Variants in DNAJC7 observed in about 807,000 individuals in gnomAD.
DNAJC7 encodes the protein DnaJ heat shock protein family (Hsp40) member C7.
A neutral mutation model predicts 67.4 loss-of-function variants in DNAJC7; 18 were observed. The observed-to-expected ratio is 0.27, with a 90% CI of 0.18 to 0.40. DNAJC7 has a LOEUF of 0.40. DNAJC7 is among the 10% of genes least tolerant of loss of function. The pLI is 1.00. For missense variants in DNAJC7, 419 were observed against 613.8 expected (o/e 0.68, Z 3.35); for synonymous variants, 220 against 207.8 (o/e 1.06, Z -0.50).
chr17:41,977,507 C>G, intron 12 of DNAJC7, 184 bp from the exon 13 acceptor site: 1 of 539,134 alleles, frequency 1.9e-6, no homozygotes, highest in Non-Finnish European at 3.3e-6. Flanking sequence ...AACATGCTAC[C>G]TGATCCCACT....
chr17:41,999,383 A>C (rs1043641475), intron 2 of DNAJC7, among the ~76,000 whole-genome samples: 1 of 152,178 alleles, frequency 6.6e-6, no homozygotes, highest in Non-Finnish European at 1.5e-5. Context: ...CGGCCTCCCA[A>C]AATGCTGGGA....
Position 41,983,234 on chromosome 17 carries a change from C to T in DNAJC7, c.1084+329G>A, listed in dbSNP as rs141053005. On this transcript the variant is annotated intron_variant, in intron 10 of 13. Transcript: ENST00000457167. ...CCGCCTCCTGGGTTCAAGGAATTCT[C>T]GTGCCCCAGCCTCCTGAGTGGCTGG... is the stretch of plus-strand genomic sequence containing the variant. Among the ~76,000 whole-genome samples the T allele has an allele frequency of 4.4e-3, 671 of 152,216 alleles. 5 individuals carry two copies. Among genetic ancestry groups the T allele is most frequent in the African/African-American group, 0.015 (612 of 41,538 alleles).
At chr17:42,017,306 G>A in intron 1 of DNAJC7, 34 bp downstream of exon 1, 1 of 1,610,280 alleles carries the variant, frequency 6.2e-7, no homozygotes, top group South Asian at 1.1e-5. Context: ...CGGAGCTGCA[G>A]GTCGCCTCCT....
chr17:41,983,522 G>A, intron 10 of DNAJC7, 41 bp downstream of exon 10: 1 of 1,527,044 alleles, frequency 6.5e-7, no homozygotes, highest in Non-Finnish European at 8.9e-7. Flanking sequence ...GGCCTACGAA[G>A]TCCACACAGT....
At chr17:41,977,534 T>C in intron 12 of DNAJC7, 1 of 441,068 alleles carries the variant, frequency 2.3e-6, no homozygotes, top group South Asian at 3.7e-5. Context: ...ACATGTTCCC[T>C]TCTCCTTCCA....
chr17:41,991,828 C>T (rs782710417), intron 5 of DNAJC7, among the ~76,000 whole-genome samples: 3 of 152,148 alleles, frequency 2.0e-5, no homozygotes, highest in East Asian at 1.9e-4. Context: ...TGCAGGCACA[C>T]GTCACCACAC....
At chr17:42,011,914 T>A (rs1399865024) in intron 1 of DNAJC7, 1 of 152,072 alleles carries the variant, frequency 6.6e-6, no homozygotes, top group Non-Finnish European at 1.5e-5. Context: ...GGGACATGAA[T>A]TGAGAGTTCA....
chr17:41,976,793 G>C (rs781956517), intron 13 of DNAJC7, 23 bp from the exon 14 acceptor site: 15 of 1,604,366 alleles, frequency 9.3e-6, no homozygotes, highest in Admixed American at 5.4e-5. Flanking sequence ...AGAGGGGTTG[G>C]TAGTTGGCTA....
rs1167661737 is a variant in DNAJC7, at chr17:41,976,552, G to C, written c.*181C>G. 3.1e-6 allele frequency: 2 copies of C among 647,064 alleles called. No homozygotes were observed. The highest frequency in any genetic ancestry group is 4.9e-6 in the Non-Finnish European group (2 of 404,918). 40.1% of individuals were successfully genotyped at this position (647,064 alleles called of 1,614,324 possible). On this transcript the variant is annotated 3_prime_UTR_variant, in exon 14 of 14. Transcript: ENST00000457167. ...ACCCCCGCCTCCCTCCCCTGCCCTCGGTCTTCGGCATTGGTTCCCTTTGCT... is the reference window on the plus strand; with the variant it reads ...ACCCCCGCCTCCCTCCCCTGCCCTCCGTCTTCGGCATTGGTTCCCTTTGCT...
chr17:41,980,750 C>T (rs1262273800), intron 12 of DNAJC7, among the ~76,000 whole-genome samples: 3 of 152,116 alleles, frequency 2.0e-5, no homozygotes, highest in African/African-American at 7.2e-5. Context: ...ACAATATTGA[C>T]AATAGGTGTG....
At chr17:41,996,634 C>T (rs1025628752) in intron 3 of DNAJC7, among the ~76,000 whole-genome samples, 3 of 152,082 alleles carry the variant, frequency 2.0e-5, no homozygotes, top group Non-Finnish European at 2.9e-5. Flanking sequence ...GACAAAACTC[C>T]GTCTCTTACT....
intron 2 of DNAJC7, among the ~76,000 whole-genome samples, chr17:41,997,473 T>C (rs2051692812): frequency 6.6e-6 from 1 of 150,882 alleles, no homozygotes; most frequent in Admixed American, 6.6e-5. Context: ...GGTGGGCCCC[T>C]GTAATTCCAG....
chr17:41,997,588 C>A (rs782615877), intron 2 of DNAJC7, among the ~76,000 whole-genome samples: 5 of 152,046 alleles, frequency 3.3e-5, no homozygotes, highest in African/African-American at 4.8e-5. Context: ...CAGAGGAAGA[C>A]CCTGTCTCAA....
Position 41,976,569 on chromosome 17 carries a change from C to T in DNAJC7, c.*164G>A, listed in dbSNP as rs556413850. 418 of 771,852 alleles carry T rather than the reference C, an allele frequency of 5.4e-4. 1 individual carries two copies. The highest frequency in any genetic ancestry group is 2.6e-3 in the Middle Eastern group (11 of 4,212). The allele number at this position is 771,852 out of a possible 1,614,324, so 47.8% of individuals were successfully genotyped here. A position where few individuals can be genotyped will look rare whatever the true frequency, so the allele number is the denominator to read the frequency against. ...CTGCCCTCGGTCTTCGGCATTGGTTCCCTTTGCTCCACCCCACTCACAGAG... is the reference window on the plus strand; with the variant it reads ...CTGCCCTCGGTCTTCGGCATTGGTTTCCTTTGCTCCACCCCACTCACAGAG... On this transcript the variant is annotated 3_prime_UTR_variant, in exon 14 of 14. Transcript: ENST00000457167.
chr17:41,978,835 G>C (rs897585016), intron 12 of DNAJC7, among the ~76,000 whole-genome samples: 1 of 152,166 alleles, frequency 6.6e-6, no homozygotes, highest in Non-Finnish European at 1.5e-5. Flanking sequence ...AGCAGAGATC[G>C]CGCCACTGCA....
chr17:42,014,544 A>G (rs1248656258), intron 1 of DNAJC7: 1 of 152,010 alleles, frequency 6.6e-6, no homozygotes, highest in Non-Finnish European at 1.5e-5. Context: ...AGTGCTATAT[A>G]TGAGAAACAT....
chr17:42,005,621 T>G (rs1183655816), intron 1 of DNAJC7, among the ~76,000 whole-genome samples: 1 of 152,240 alleles, frequency 6.6e-6, no homozygotes, highest in African/African-American at 2.4e-5. Flanking sequence ...TAAAATTTAT[T>G]CCACCTCACT....
chr17:42,003,205 G>C (rs974351001), intron 1 of DNAJC7, among the ~76,000 whole-genome samples: 1 of 152,218 alleles, frequency 6.6e-6, no homozygotes, highest in African/African-American at 2.4e-5. Flanking sequence ...AAACGTGGCT[G>C]ATTAACAGCT....
chr17:42,016,254 TTAGA>T (rs1391994790), intron 1 of DNAJC7: 1 of 152,150 alleles, frequency 6.6e-6, no homozygotes, highest in Non-Finnish European at 1.5e-5. Context: ...TTCGAACTCA[TTAGA>T]TAGTAAAAAT....
Sources: gnomAD v4.1 joint callset for allele counts (sites outside exome capture counted in the v4.1 genomes callset) on GRCh38, gnomAD v4.1.1 for gene constraint, MANE v1.5 for transcripts, NCBI Gene and HGNC (gene_info 2026-07-23, HGNC 2026-07-21) for gene names.